FBXL7: variants seen among roughly 807,000 people sequenced by gnomAD.
FBXL7 encodes F-box/LRR-repeat protein 7.
A neutral mutation model predicts 38.3 loss-of-function variants in FBXL7; 12 were observed. The ratio of observed to expected loss-of-function variants is 0.31; its 90% CI spans 0.20 to 0.51. The LOEUF (loss-of-function observed/expected upper bound fraction) is 0.51. Ranked by LOEUF, FBXL7 falls within the 20% of genes least tolerant of loss-of-function variation. The pLI, the probability that FBXL7 is intolerant of heterozygous loss-of-function variation, is 0.98. For synonymous variants in FBXL7, 297 were observed against 300.9 expected (o/e 0.99, Z 0.13); for missense variants, 567 against 676.4 (o/e 0.84, Z 1.79).
chr5:15,779,037 G>T (rs1192436666), intron 2 of FBXL7, among the ~76,000 whole-genome samples: 1 of 151,960 alleles, frequency 6.6e-6, no homozygotes, highest in South Asian at 2.1e-4. Context: ...ACTGATAATT[G>T]TCATTACAGT....
intron 2 of FBXL7, among the ~76,000 whole-genome samples, chr5:15,871,903 T>C (rs1406581394): frequency 1.3e-5 from 2 of 152,086 alleles, no homozygotes; most frequent in Non-Finnish European, 2.9e-5. Flanking sequence ...CATAGCAAGA[T>C]AGGCAAACAT....
At chr5:15,733,962 C>G (rs1396515769) in intron 2 of FBXL7, among the ~76,000 whole-genome samples, 1 of 152,054 alleles carries the variant, frequency 6.6e-6, no homozygotes, top group East Asian at 1.9e-4. Flanking sequence ...CAAAAATTAC[C>G]TGGGCTTGGT....
At chr5:15,523,927 G>T (rs1324025158) in intron 1 of FBXL7, among the ~76,000 whole-genome samples, 1 of 152,176 alleles carries the variant, frequency 6.6e-6, no homozygotes, top group Non-Finnish European at 1.5e-5. Context: ...TTTTGCAGAA[G>T]AATCAGAAGT....
intron 1 of FBXL7, among the ~76,000 whole-genome samples, chr5:15,573,876 C>G (rs1309412982): frequency 6.6e-6 from 1 of 152,176 alleles, no homozygotes; most frequent in Non-Finnish European, 1.5e-5. Context: ...TGTACCACTT[C>G]CGTCAGCAAC....
intron 2 of FBXL7, among the ~76,000 whole-genome samples, chr5:15,697,379 A>G (rs535726309): frequency 6.6e-6 from 1 of 152,294 alleles, no homozygotes; most frequent in Non-Finnish European, 1.5e-5. Flanking sequence ...TGAGAGAATG[A>G]CACATTTTGA....
At chr5:15,774,323 C>A (rs1387948907) in intron 2 of FBXL7, among the ~76,000 whole-genome samples, 1 of 144,320 alleles carries the variant, frequency 6.9e-6, no homozygotes, top group Non-Finnish European at 1.5e-5. Context: ...TCTCAATACT[C>A]TTAACTTGAT....
chr5:15,639,087 G>C (rs898154087), intron 2 of FBXL7, among the ~76,000 whole-genome samples: 2 of 152,178 alleles, frequency 1.3e-5, no homozygotes, highest in Non-Finnish European at 2.9e-5. Context: ...GAAACATTTT[G>C]ATGAATAGCT....
intron 2 of FBXL7, among the ~76,000 whole-genome samples, chr5:15,704,674 G>C (rs752663364): frequency 4.3e-4 from 65 of 152,254 alleles, no homozygotes; most frequent in Non-Finnish European, 8.4e-4. Flanking sequence ...TGCAAACAAG[G>C]CTGGATGTTT....
At chr5:15,674,238 T>C (rs1045395475) in intron 2 of FBXL7, among the ~76,000 whole-genome samples, 6 of 152,246 alleles carry the variant, frequency 3.9e-5, no homozygotes, top group Non-Finnish European at 5.9e-5. Flanking sequence ...ATGATGTTAA[T>C]GTTATCACAA....
At chr5:15,768,912 G>A (rs1003657621) in intron 2 of FBXL7, among the ~76,000 whole-genome samples, 2 of 152,194 alleles carry the variant, frequency 1.3e-5, no homozygotes, top group African/African-American at 4.8e-5. Context: ...GGGCACTCAG[G>A]GCTCAATTTA....
intron 2 of FBXL7, among the ~76,000 whole-genome samples, chr5:15,866,080 G>C (rs1321962992): frequency 1.3e-5 from 2 of 152,130 alleles, no homozygotes; most frequent in African/African-American, 4.8e-5. Context: ...AATTCTTACA[G>C]AAATAAAATT....
chr5:15,789,202 A>G (rs765858809), intron 2 of FBXL7, among the ~76,000 whole-genome samples: 1 of 151,764 alleles, frequency 6.6e-6, no homozygotes, highest in Non-Finnish European at 1.5e-5. Context: ...ACAAGACCTC[A>G]TATCTTTTTT....
chr5:15,777,720 T>TAAAAAAAAAAA lies in FBXL7; in HGVS notation c.128-150154_128-150144dup, dbSNP rs371293320. 4.8e-3 allele frequency among the ~76,000 whole-genome samples: 396 copies of TAAAAAAAAAAA among 82,400 alleles called. 17 individuals carry two copies. The highest frequency in any genetic ancestry group is 1.0e-2 in the African/African-American group (176 of 17,686). The allele number at this position is 82,400 out of a possible 152,430, so 54.1% of individuals were successfully genotyped here. On this transcript the variant is annotated intron_variant, in intron 2 of 3. Transcript: ENST00000504595. ...TATTGTTTGCAAACCCCTATTCTGGTAAAAAAAAAAAAAAAAAAAAAAAAA... is the reference window on the plus strand; with the variant it reads ...TATTGTTTGCAAACCCCTATTCTGGTAAAAAAAAAAAAAAAAAAAAAAAAAAAAAAAAAAAA...
intron 2 of FBXL7, among the ~76,000 whole-genome samples, chr5:15,620,231 T>TTTC (rs1740585140): frequency 8.5e-6 from 1 of 118,026 alleles, no homozygotes; most frequent in African/African-American, 3.2e-5. Context: ...TCTTTTTTTC[T>TTTC]TTTTTTTTTT....
intron 2 of FBXL7, among the ~76,000 whole-genome samples, chr5:15,830,376 C>G (rs1018906315): frequency 2.0e-5 from 3 of 151,850 alleles, no homozygotes; most frequent in African/African-American, 4.8e-5. Flanking sequence ...CCCAGCTACT[C>G]AGGAGGCCAA....
At chr5:15,875,557 GA>G (rs751796596) in intron 2 of FBXL7, among the ~76,000 whole-genome samples, 3 of 151,600 alleles carry the variant, frequency 2.0e-5, no homozygotes, top group Non-Finnish European at 4.4e-5. Flanking sequence ...AAATTTACAA[GA>G]AAAAAACAAA....
At chr5:15,701,610 A>G (rs1240310870) in intron 2 of FBXL7, among the ~76,000 whole-genome samples, 1 of 152,208 alleles carries the variant, frequency 6.6e-6, no homozygotes, top group Non-Finnish European at 1.5e-5. Context: ...AATTGAGGAG[A>G]TAGACATATA....
chr5:15,923,133 TCTC>T (rs1036379881), intron 2 of FBXL7, among the ~76,000 whole-genome samples: 9 of 152,232 alleles, frequency 5.9e-5, no homozygotes, highest in African/African-American at 2.2e-4. Context: ...TCTCTGATGT[TCTC>T]CTCTCTGAGT....
chr5:15,873,086 A>C (rs372899459), intron 2 of FBXL7, among the ~76,000 whole-genome samples: 3 of 152,238 alleles, frequency 2.0e-5, no homozygotes, highest in African/African-American at 7.2e-5. Flanking sequence ...AGAGTCTGTC[A>C]GTCCACAGTG....
Sources: allele counts gnomAD v4.1 joint callset (sites outside exome capture counted in the v4.1 genomes callset), GRCh38; gene constraint gnomAD v4.1.1; transcripts MANE v1.5; gene names NCBI Gene and HGNC (gene_info 2026-07-23, HGNC 2026-07-21).